ANK2: variants seen among roughly 807,000 people sequenced by gnomAD.
The protein encoded by ANK2 is ankyrin 2.
ANK2 carries 83 observed loss-of-function variants against 360.5 expected under a neutral mutation model. The observed-to-expected ratio is 0.23, with a 90% confidence interval of 0.19 to 0.28. ANK2 has a LOEUF of 0.28. Among genes scored for constraint, ANK2 ranks in the 10% least tolerant of loss-of-function variants. The pLI is 1.00. For synonymous variants in ANK2, 1,740 were observed against 1,759.5 expected, an observed-to-expected ratio of 0.99 and a Z score of 0.28; for missense variants, 4,201 against 4,795.7, an observed-to-expected ratio of 0.88 and a Z score of 3.66.
chr4:113,226,225 A>G (rs2099219772), intron 4 of ANK2, among the ~76,000 whole-genome samples: 1 of 152,124 alleles, frequency 6.6e-6, no homozygotes, highest in Admixed American at 6.5e-5. Flanking sequence ...TTAAAAATCA[A>G]ATGTGTCTGT....
At chr4:113,300,628 C>G (rs1401204327) in intron 22 of ANK2, among the ~76,000 whole-genome samples, 6 of 152,250 alleles carry the variant, frequency 3.9e-5, no homozygotes, top group Middle Eastern at 3.4e-3. Flanking sequence ...TGGGGAGGAT[C>G]AGGGAATGTT....
chr4:113,000,435 A>G (rs2154285814), intron 2 of ANK2, among the ~76,000 whole-genome samples: 1 of 152,300 alleles, frequency 6.6e-6, no homozygotes. Context: ...CATCAGCTCA[A>G]AATAATTCTT....
chr4:112,821,211 G>C (rs1233768379), intron 1 of ANK2, among the ~76,000 whole-genome samples: 7 of 151,974 alleles, frequency 4.6e-5, no homozygotes, highest in Non-Finnish European at 1.0e-4. Flanking sequence ...CACCCCGCCC[G>C]GCCCCTTAAA....
intron 1 of ANK2, among the ~76,000 whole-genome samples, chr4:113,111,533 G>C (rs542463386): frequency 6.6e-6 from 1 of 152,104 alleles, no homozygotes; most frequent in East Asian, 1.9e-4. Flanking sequence ...AAAGTAAAAG[G>C]GCTAAGAAAT....
At chr4:112,847,566 T>TA (rs1297549237) in intron 1 of ANK2, among the ~76,000 whole-genome samples, 1 of 152,198 alleles carries the variant, frequency 6.6e-6, no homozygotes, top group Admixed American at 6.5e-5. Flanking sequence ...ACGGCTACCA[T>TA]ATTTGTCTTT....
At chr4:112,901,418 G>A (rs1364846966) in intron 1 of ANK2, among the ~76,000 whole-genome samples, 1 of 152,228 alleles carries the variant, frequency 6.6e-6, no homozygotes, top group African/African-American at 2.4e-5. Context: ...AAATTAGTGA[G>A]TCTTCATCTT....
the ANK2 span, among the ~76,000 whole-genome samples, chr4:112,770,009 C>T: frequency 1.5e-4 from 23 of 152,136 alleles, no homozygotes; most frequent in Non-Finnish European, 2.6e-4. Flanking sequence ...CATAATCACA[C>T]GATCTAATTA....
At chr4:113,174,626 C>A in intron 2 of ANK2, 109 bp downstream of exon 2, 3 of 905,126 alleles carry the variant, frequency 3.3e-6, no homozygotes, top group Non-Finnish European at 5.1e-6. Context: ...ATATCAGTGA[C>A]TCAGACTTCT....
chr4:113,380,253 CT>C (rs1274537502), intron 45 of ANK2, among the ~76,000 whole-genome samples: 2 of 145,420 alleles, frequency 1.4e-5, no homozygotes, highest in Admixed American at 1.4e-4. Flanking sequence ...TTACTTTACT[CT>C]AAAAAAAAAA....
the ANK2 span, among the ~76,000 whole-genome samples, chr4:112,760,214 T>C: frequency 9.5e-5 from 14 of 147,142 alleles, no homozygotes; most frequent in South Asian, 1.3e-3. Flanking sequence ...TGAGACGGAG[T>C]CTCGCTCTGT....
chr4:113,021,517 T>C (rs1036425834), intron 2 of ANK2, among the ~76,000 whole-genome samples: 3 of 52,932 alleles, frequency 5.7e-5, no homozygotes, highest in Admixed American at 2.3e-4. Context: ...TGTGTATATA[T>C]ACACACACAC....
intron 2 of ANK2, among the ~76,000 whole-genome samples, chr4:112,940,777 A>AT (rs2094145792): frequency 1.3e-5 from 2 of 152,264 alleles, no homozygotes; most frequent in South Asian, 4.1e-4. Flanking sequence ...AAAAAATATA[A>AT]TTTTTAGTTG....
At chr4:113,325,607 T>C (rs1340914151) in intron 26 of ANK2, among the ~76,000 whole-genome samples, 1 of 152,194 alleles carries the variant, frequency 6.6e-6, no homozygotes, top group Non-Finnish European at 1.5e-5. Flanking sequence ...CATAAACTAA[T>C]AAAAACTTCA....
chr4:112,765,645 T>TC, the ANK2 span, among the ~76,000 whole-genome samples: 1 of 145,652 alleles, frequency 6.9e-6, no homozygotes, highest in Non-Finnish European at 1.5e-5. Flanking sequence ...CTGGAACAAC[T>TC]CCCCCCTCCC....
At chr4:113,378,477 A>G (rs1292779496) in intron 45 of ANK2, among the ~76,000 whole-genome samples, 2 of 152,206 alleles carry the variant, frequency 1.3e-5, no homozygotes, top group African/African-American at 4.8e-5. Context: ...GCCTGATGGT[A>G]TTACATTGTG....
intron 2 of ANK2, among the ~76,000 whole-genome samples, chr4:112,999,566 G>T (rs537062650): frequency 2.0e-5 from 3 of 151,734 alleles, no homozygotes; most frequent in Non-Finnish European, 4.4e-5. Context: ...AGCTGTCTTG[G>T]TTCACTAAAA....
chr4:112,796,998 A>G, the ANK2 span: 3 of 165,946 alleles, frequency 1.8e-5, no homozygotes, highest in Non-Finnish European at 2.7e-5. Flanking sequence ...CAGGTTACTA[A>G]GAGAAATTCT....
intron 22 of ANK2, among the ~76,000 whole-genome samples, chr4:113,297,632 G>C (rs1044455508): frequency 6.6e-6 from 1 of 151,962 alleles, no homozygotes; most frequent in Non-Finnish European, 1.5e-5. Context: ...CACCTTTTGA[G>C]GTAGAGCCAA....
chr4:112,901,138 T>C (rs1359708869), intron 1 of ANK2, among the ~76,000 whole-genome samples: 1 of 152,204 alleles, frequency 6.6e-6, no homozygotes, highest in African/African-American at 2.4e-5. Flanking sequence ...TATAATGCCT[T>C]ATACACTGTT....
Sources: gnomAD v4.1 joint callset for allele counts (sites outside exome capture counted in the v4.1 genomes callset) on GRCh38, gnomAD v4.1.1 for gene constraint, MANE v1.5 for transcripts, NCBI Gene and HGNC (gene_info 2026-07-23, HGNC 2026-07-21) for gene names.